Variants in DCP1A observed in about 807,000 individuals in gnomAD.
The protein encoded by DCP1A is mRNA-decapping enzyme 1A.
In DCP1A, 20 loss-of-function variants were observed where a neutral mutation model predicts 58.0. That is an observed-to-expected ratio of 0.34 (90% CI 0.24 to 0.50). The LOEUF (loss-of-function observed/expected upper bound fraction) is 0.50. Ranked by LOEUF, DCP1A falls within the 20% of genes least tolerant of loss-of-function variation. DCP1A has a pLI of 0.98. For synonymous variants in DCP1A, 285 were observed against 275.1 expected (o/e 1.04, Z -0.36); for missense variants, 613 against 712.2 (o/e 0.86, Z 1.59).
chr3:53,303,794 T>C lies in DCP1A; in HGVS notation c.624+383A>G, dbSNP rs2106819325. On this transcript the variant is annotated intron_variant, in intron 6 of 9. Transcript: ENST00000610213. ...GCAATGCAGAGTGACAGATGAGGCC[T>C]GGGGTAGAGGGGCCAGATAAGGTAG... Among the ~76,000 whole-genome samples, 3 of 152,234 alleles carry C rather than the reference T, an allele frequency of 2.0e-5. No individual in the cohort carries two copies. In the East Asian group the frequency reaches 5.8e-4, roughly 29 times the overall value.
chr3:53,328,784 A>C (rs1424929400), intron 3 of DCP1A, among the ~76,000 whole-genome samples: 9 of 152,222 alleles, frequency 5.9e-5, no homozygotes, highest in Non-Finnish European at 1.0e-4. Flanking sequence ...ACTGAGCCTT[A>C]AGTCCCTCTA....
chr3:53,294,921 C>T (rs1198720603), intron 6 of DCP1A, among the ~76,000 whole-genome samples: 2 of 152,230 alleles, frequency 1.3e-5, no homozygotes, highest in Non-Finnish European at 2.9e-5. Flanking sequence ...CTTGGACTTG[C>T]CTACCCAAGT....
At chr3:53,338,703 T>C (rs1352453998) in intron 3 of DCP1A, among the ~76,000 whole-genome samples, 1 of 151,298 alleles carries the variant, frequency 6.6e-6, no homozygotes, top group East Asian at 2.0e-4. Context: ...CTACTAAAAA[T>C]AGAAAAAATT....
In DCP1A at chr3:53,292,585, G is replaced by A. The variant is rs782460066; in HGVS notation, c.867C>T (p.Thr289=). The A allele has an allele frequency of 7.4e-6, 12 of 1,613,898 alleles. No homozygotes were observed. Among genetic ancestry groups the A allele is most frequent in the Non-Finnish European group, 1.0e-5 (12 of 1,179,866 alleles). Residue 289 remains threonine, a synonymous_variant, in exon 7 of 10, where the codon ACC becomes ACT. Coordinates refer to ENST00000610213, the MANE Select transcript of DCP1A (RefSeq NM_018403.7). ...AAHHSVQPEI[T]TPVLITPASI... ...AGGCTGGAGTGATTAGCACCGGGGT[G>A]GTGATTTCAGGCTGGACTGAATGGT...
rs189364072 is a variant in DCP1A at position 53,290,886 on chromosome 3, G to T, written c.1384-30C>A. 2.5e-4 allele frequency: 397 copies of T among 1,561,086 alleles called. 1 individual carries two copies. Among genetic ancestry groups the T allele is most frequent in the Admixed American group, 9.6e-4 (52 of 54,164 alleles). On this transcript the variant is annotated intron_variant, in intron 7 of 9. Transcript: ENST00000610213. ...AATGTTTATGAAGAAAAGACAGACG[G>T]ATATAAGAAGTTTCAATTAAGAAGA...
At position 53,292,372 on chromosome 3, in the gene DCP1A, G is replaced by C; in HGVS notation, c.1080C>G (p.Val360=). The change falls in exon 7 of 10, where the codon GTC becomes GTG. Residue 360 remains valine, a synonymous_variant. Coordinates refer to ENST00000610213, the MANE Select transcript of DCP1A (RefSeq NM_018403.7). ...RQRSPLLNQP[V]PELSHASLIA... ...TCAGACTGGCATGGCTTAGCTCAGG[G>C]ACTGGCTGGTTCAGGAGTGGAGACC... 1 of 1,613,382 alleles carries C rather than the reference G, an allele frequency of 6.2e-7. No homozygotes were observed. The highest frequency in any genetic ancestry group is 1.1e-5 in the South Asian group (1 of 91,038).
intron 4 of DCP1A, among the ~76,000 whole-genome samples, chr3:53,313,123 A>T (rs1707698948): frequency 1.3e-5 from 2 of 152,212 alleles, no homozygotes; most frequent in South Asian, 4.1e-4. Flanking sequence ...GGACAAAGTC[A>T]GTTCTTGAAA....
intron 6 of DCP1A, among the ~76,000 whole-genome samples, chr3:53,295,726 T>C (rs1187905232): frequency 6.6e-6 from 1 of 152,136 alleles, no homozygotes; most frequent in Non-Finnish European, 1.5e-5. Flanking sequence ...AGTGAGCCAT[T>C]GAGCCCAGCA....
At chr3:53,321,628 A>G (rs1263354668) in intron 3 of DCP1A, among the ~76,000 whole-genome samples, 1 of 152,212 alleles carries the variant, frequency 6.6e-6, no homozygotes, top group Admixed American at 6.5e-5. Context: ...CGGAGACAGG[A>G]GAATTGCTTG....
intron 8 of DCP1A, chr3:53,288,487 C>A: frequency 1.7e-6 from 1 of 576,418 alleles, no homozygotes; most frequent in Non-Finnish European, 3.1e-6. Flanking sequence ...GATGACCAGC[C>A]CATTTATGTA....
chr3:53,315,948 G>C (rs1707799282), intron 4 of DCP1A, among the ~76,000 whole-genome samples: 1 of 151,766 alleles, frequency 6.6e-6, no homozygotes. Flanking sequence ...TAGAGACGAG[G>C]TTTCACCATA....
At chr3:53,287,708 A>T in intron 9 of DCP1A, 48 bp from the exon 10 acceptor site, 1 of 1,370,282 alleles carries the variant, frequency 7.3e-7, no homozygotes, top group South Asian at 1.2e-5. Flanking sequence ...CATTTACCTC[A>T]TCAGATTTTA....
Position 53,292,674 on chromosome 3 carries a change from A to T in DCP1A, c.778T>A (p.Phe260Ile). 6.2e-7 allele frequency: 1 copy of T among 1,613,752 alleles called. No homozygotes were observed. Among genetic ancestry groups the T allele is most frequent in the Non-Finnish European group, 8.5e-7 (1 of 1,179,806 alleles). ...SQKEPNSFLP[F>I]PFEQLGGAPQ... The stretch of plus-strand genomic sequence containing the variant: ...GCTCCTCCTAACTGCTCAAAGGGAA[A>T]TGGTAGGAATGAATTGGGCTCTTTC... The change falls in exon 7 of 10, where the codon TTT becomes ATT. Residue 260 changes from phenylalanine (F) to isoleucine (I), a missense_variant. Coordinates refer to ENST00000610213, the MANE Select transcript of DCP1A (RefSeq NM_018403.7).
At chr3:53,335,054 T>G (rs1465249621) in intron 3 of DCP1A, among the ~76,000 whole-genome samples, 1 of 151,996 alleles carries the variant, frequency 6.6e-6, no homozygotes, top group Non-Finnish European at 1.5e-5. Flanking sequence ...TGCTTCTGTC[T>G]CTGCCTTTGA....
At chr3:53,347,067 A>G (rs1167061027) in intron 1 of DCP1A, among the ~76,000 whole-genome samples, 1 of 152,188 alleles carries the variant, frequency 6.6e-6, no homozygotes, top group Non-Finnish European at 1.5e-5. Context: ...CACCGGTCTT[A>G]TAACTCCCAA....
chr3:53,290,637 C>G (rs1706823487), intron 8 of DCP1A, 154 bp downstream of exon 8: 1 of 691,196 alleles, frequency 1.4e-6, no homozygotes, highest in Non-Finnish European at 2.6e-6. Flanking sequence ...AAGAGGGAGT[C>G]CTGGCTGGTC....
chr3:53,315,747 T>G (rs797035676), intron 4 of DCP1A, among the ~76,000 whole-genome samples: 14 of 110,982 alleles, frequency 1.3e-4, no homozygotes, highest in African/African-American at 4.8e-4. Flanking sequence ...GTTTGTTGTT[T>G]TTTTTTTTTG....
In DCP1A at chr3:53,304,285, C is replaced by G. The variant is rs782397128; in HGVS notation, c.516G>C (p.Gln172His). ...GGCTGGAGATATTTGAGTCACCCATCTGATTCTTTAAAAAGTTAAAAGAAA... is the reference window on the plus strand; with the variant it reads ...GGCTGGAGATATTTGAGTCACCCATGTGATTCTTTAAAAAGTTAAAAGAAA... The part of the protein sequence containing the change: ...SRAKDEYERN[Q>H]MGDSNISSPG... Residue 172 changes from glutamine (Q) to histidine (H), a missense_variant, in exon 6 of 10, where the codon CAG (glutamine) becomes CAC (histidine). Gln to His is a conservative substitution (Grantham distance 24). Transcript: ENST00000610213. The G allele has an allele frequency of 6.2e-6, 10 of 1,606,826 alleles. No individual in the cohort carries two copies. In the African/African-American group the frequency reaches 9.4e-5, roughly 15 times the overall value.
At chr3:53,339,780 A>G (rs1286452356) in intron 3 of DCP1A, among the ~76,000 whole-genome samples, 1 of 152,114 alleles carries the variant, frequency 6.6e-6, no homozygotes, top group Non-Finnish European at 1.5e-5. Flanking sequence ...CTGGGTCCGG[A>G]TAACTTTCCC....
Sources: allele counts gnomAD v4.1 joint callset (sites outside exome capture counted in the v4.1 genomes callset), GRCh38; gene constraint gnomAD v4.1.1; transcripts MANE v1.5; gene names NCBI Gene and HGNC (gene_info 2026-07-23, HGNC 2026-07-21).